PIBF1: variants seen among roughly 807,000 people sequenced by gnomAD.
The protein encoded by PIBF1 is progesterone-induced-blocking factor 1.
A neutral mutation model predicts 112.5 loss-of-function variants in PIBF1; 90 were observed. The ratio of observed to expected loss-of-function variants is 0.80; its 90% CI spans 0.67 to 0.95. The LOEUF (loss-of-function observed/expected upper bound fraction) is 0.95. Ranked by LOEUF, PIBF1 falls within the 40% of genes least tolerant of loss-of-function variation. The pLI is 0.00. For missense variants in PIBF1, 915 were observed against 852.3 expected, an observed-to-expected ratio of 1.07 and a Z score of -0.92; for synonymous variants, 301 against 288.6, an observed-to-expected ratio of 1.04 and a Z score of -0.44.
intron 14 of PIBF1, among the ~76,000 whole-genome samples, chr13:72,937,068 G>C (rs368994489): frequency 6.6e-6 from 1 of 151,962 alleles, no homozygotes; most frequent in East Asian, 1.9e-4. Flanking sequence ...CATTAGCAAA[G>C]TGTATGTTTT....
At chr13:72,897,744 C>T (rs2040335993) in intron 11 of PIBF1, among the ~76,000 whole-genome samples, 1 of 152,236 alleles carries the variant, frequency 6.6e-6, no homozygotes, top group Admixed American at 6.5e-5. Context: ...GGTAAAAGGC[C>T]TTGTCCAACA....
intron 5 of PIBF1, among the ~76,000 whole-genome samples, chr13:72,798,644 C>A (rs1350044627): frequency 1.3e-5 from 2 of 152,104 alleles, no homozygotes; most frequent in Non-Finnish European, 2.9e-5. Context: ...GTGGACTAAT[C>A]ATTAACTTGG....
chr13:72,845,162 C>G (rs2037813104), intron 9 of PIBF1, among the ~76,000 whole-genome samples: 1 of 150,834 alleles, frequency 6.6e-6, no homozygotes, highest in African/African-American at 2.4e-5. Context: ...CAAGTTGGCT[C>G]CAGTGTGTGT....
intron 10 of PIBF1, among the ~76,000 whole-genome samples, chr13:72,872,498 T>C (rs571240844): frequency 1.3e-5 from 2 of 152,296 alleles, no homozygotes; most frequent in African/African-American, 4.8e-5. Flanking sequence ...ACATAAAGAT[T>C]TGGGATATAT....
chr13:72,903,123 C>T (rs908368165), intron 11 of PIBF1, among the ~76,000 whole-genome samples: 1 of 151,944 alleles, frequency 6.6e-6, no homozygotes, highest in African/African-American at 2.4e-5. Flanking sequence ...ATCTCAAGCT[C>T]CTGACCTCAA....
chr13:72,960,402 C>T (rs1243380488), intron 14 of PIBF1, among the ~76,000 whole-genome samples: 2 of 151,880 alleles, frequency 1.3e-5, no homozygotes, highest in East Asian at 3.9e-4. Context: ...GAGATCCTGT[C>T]TCAAAAAAAT....
At chr13:72,955,616 C>A (rs556195188) in intron 14 of PIBF1, among the ~76,000 whole-genome samples, 1 of 151,558 alleles carries the variant, frequency 6.6e-6, no homozygotes, top group East Asian at 1.9e-4. Context: ...CACATACATA[C>A]ACACACACAC....
chr13:72,883,699 G>A (rs375371280), intron 10 of PIBF1, among the ~76,000 whole-genome samples: 6 of 152,102 alleles, frequency 3.9e-5, no homozygotes, highest in African/African-American at 1.2e-4. Context: ...TTTTGACCAG[G>A]CTGGCCTCAA....
chr13:72,941,120 T>C (rs1336071335), intron 14 of PIBF1, among the ~76,000 whole-genome samples: 2 of 152,224 alleles, frequency 1.3e-5, no homozygotes, highest in Non-Finnish European at 2.9e-5. Flanking sequence ...GTCAATAAAC[T>C]AAGGCAGTCA....
chr13:72,990,925 T>C (rs1472936776), intron 16 of PIBF1, among the ~76,000 whole-genome samples: 1 of 152,368 alleles, frequency 6.6e-6, no homozygotes, highest in South Asian at 2.1e-4. Flanking sequence ...TTTTACCTTG[T>C]GTTACTTCAA....
chr13:72,858,053 G>A (rs1194991795), intron 10 of PIBF1, among the ~76,000 whole-genome samples: 1 of 151,686 alleles, frequency 6.6e-6, no homozygotes, highest in Non-Finnish European at 1.5e-5. Flanking sequence ...GTGTGTGTGT[G>A]TGTGTATGTA....
intron 6 of PIBF1, among the ~76,000 whole-genome samples, chr13:72,826,058 TAAAA>T (rs1264014532): frequency 1.3e-5 from 2 of 150,022 alleles, no homozygotes; most frequent in East Asian, 3.9e-4. Context: ...AAAAAAAATT[TAAAA>T]AAAAGATTTT....
At chr13:73,013,322 A>AAAG (rs1555333869) in intron 17 of PIBF1, among the ~76,000 whole-genome samples, 4 of 148,140 alleles carry the variant, frequency 2.7e-5, no homozygotes, top group African/African-American at 7.7e-5. Context: ...AAAAAAAAAA[A>AAAG]AAAAGAAAAT....
At chr13:72,897,707 AAG>A (rs1364632280) in intron 11 of PIBF1, among the ~76,000 whole-genome samples, 1 of 152,242 alleles carries the variant, frequency 6.6e-6, no homozygotes, top group African/African-American at 2.4e-5. Context: ...CAGTGGTTAA[AAG>A]AGACAAAGAG....
chr13:72,960,371 C>T (rs1445319288), intron 14 of PIBF1, among the ~76,000 whole-genome samples: 2 of 152,104 alleles, frequency 1.3e-5, no homozygotes, highest in Non-Finnish European at 1.5e-5. Context: ...TGGCTCTGCA[C>T]TCTAGCCTAG....
chr13:72,984,790 A>G (rs1007081651), intron 16 of PIBF1, among the ~76,000 whole-genome samples: 1 of 152,126 alleles, frequency 6.6e-6, no homozygotes, highest in Non-Finnish European at 1.5e-5. Context: ...CTTTTAAATT[A>G]TAAATATCTT....
chr13:72,912,916 G>A (rs567503567), intron 12 of PIBF1, among the ~76,000 whole-genome samples: 2 of 151,444 alleles, frequency 1.3e-5, no homozygotes, highest in African/African-American at 4.9e-5. Context: ...TATATGGTAT[G>A]ATTATACTAT....
chr13:72,912,942 AGTATGATTATACT>A (rs1294041540), intron 12 of PIBF1, among the ~76,000 whole-genome samples: 1 of 151,590 alleles, frequency 6.6e-6, no homozygotes, highest in Non-Finnish European at 1.5e-5. Flanking sequence ...TATAGTATAT[AGTATGATTATACT>A]GTATGATTAT....
At chr13:72,824,924 T>C (rs1045097788) in intron 6 of PIBF1, among the ~76,000 whole-genome samples, 16 of 152,328 alleles carry the variant, frequency 1.1e-4, no homozygotes, top group Admixed American at 3.3e-4. Context: ...CTGAGAATCA[T>C]TTCTGTAGTA....
Sources: gnomAD v4.1 joint callset for allele counts (sites outside exome capture counted in the v4.1 genomes callset) on GRCh38, gnomAD v4.1.1 for gene constraint, MANE v1.5 for transcripts, NCBI Gene and HGNC (gene_info 2026-07-23, HGNC 2026-07-21) for gene names.